The following TMED3 variants were observed in gnomAD, a reference collection of about 807,000 sequenced individuals.
The protein encoded by TMED3 is transmembrane p24 trafficking protein 3, also known as transmembrane emp24 domain-containing protein 3.
TMED3 carries 9 observed loss-of-function variants against 15.0 expected under a neutral mutation model. That is an observed-to-expected ratio of 0.60 (90% CI 0.36 to 1.04). The LOEUF (loss-of-function observed/expected upper bound fraction) is 1.04. Ranked by LOEUF, TMED3 falls within the 50% of genes least tolerant of loss-of-function variation. The probability of loss-of-function intolerance (pLI) is 0.01; values close to 1 mark genes in which losing one functional copy is unlikely to be tolerated. For missense variants in TMED3, 267 were observed against 278.9 expected (o/e 0.96, Z 0.30); for synonymous variants, 117 against 121.4 (o/e 0.96, Z 0.24).
chr15:79,399,850 G>C (rs1322900858), intron 2 of TMED3, among the ~76,000 whole-genome samples: 1 of 152,194 alleles, frequency 6.6e-6, no homozygotes, highest in Admixed American at 6.5e-5. Flanking sequence ...GTGGATCTAA[G>C]CCAGCTAGAC....
At chr15:79,368,179 T>C (rs926998845) in intron 2 of TMED3, among the ~76,000 whole-genome samples, 5 of 152,200 alleles carry the variant, frequency 3.3e-5, no homozygotes. Context: ...CCTTCTTGCT[T>C]ATCAAGTTCC....
At chr15:79,388,167 A>C (rs1255689243) in intron 2 of TMED3, among the ~76,000 whole-genome samples, 3 of 152,070 alleles carry the variant, frequency 2.0e-5, no homozygotes, top group Non-Finnish European at 1.5e-5. Flanking sequence ...TCTTTTTCCC[A>C]ATCTCAGAAG....
At chr15:79,362,303 A>T (rs1291805229) in intron 2 of TMED3, among the ~76,000 whole-genome samples, 1 of 18,508 alleles carries the variant, frequency 5.4e-5, no homozygotes, top group Non-Finnish European at 2.0e-4. Flanking sequence ...TTGCCTCTAT[A>T]AAAAAAAAAA....
At chr15:79,371,475 A>G (rs1893337889) in intron 2 of TMED3, among the ~76,000 whole-genome samples, 1 of 152,166 alleles carries the variant, frequency 6.6e-6, no homozygotes, top group Non-Finnish European at 1.5e-5. Flanking sequence ...TGCAGCAAAG[A>G]AAGAGTTTAA....
chr15:79,403,220 C>CAAAAAAA (rs71150908), intron 2 of TMED3, among the ~76,000 whole-genome samples: 2 of 65,422 alleles, frequency 3.1e-5, no homozygotes, highest in African/African-American at 1.5e-4. Context: ...GACTCTGTCT[C>CAAAAAAA]AAAAAAAAAA....
chr15:79,313,568 G>C (rs528437759), intron 1 of TMED3, among the ~76,000 whole-genome samples, 189 bp from the exon 2 acceptor site: 2 of 152,340 alleles, frequency 1.3e-5, no homozygotes, highest in Admixed American at 1.3e-4. Context: ...CTTTCAAGCA[G>C]TGTGACCACA....
chr15:79,359,011 A>C (rs756863503), intron 2 of TMED3, among the ~76,000 whole-genome samples: 40 of 152,202 alleles, frequency 2.6e-4, no homozygotes, highest in South Asian at 2.1e-4. Flanking sequence ...TGGCTGGAAC[A>C]AGAGAGAGTG....
intron 2 of TMED3, among the ~76,000 whole-genome samples, chr15:79,350,977 G>T (rs1441964482): frequency 6.6e-6 from 1 of 152,162 alleles, no homozygotes; most frequent in Non-Finnish European, 1.5e-5. Context: ...TATGGGTTAT[G>T]GTCTCTTTTG....
chr15:79,368,185 G>A (rs1305034182), intron 2 of TMED3, among the ~76,000 whole-genome samples: 1 of 152,130 alleles, frequency 6.6e-6, no homozygotes, highest in Non-Finnish European at 1.5e-5. Context: ...TGCTTATCAA[G>A]TTCCTTATTT....
At chr15:79,394,620 T>C (rs1026413353) in intron 2 of TMED3, among the ~76,000 whole-genome samples, 1 of 152,232 alleles carries the variant, frequency 6.6e-6, no homozygotes, top group Non-Finnish European at 1.5e-5. Flanking sequence ...GATTCAGCCT[T>C]CTCTGGGCTC....
downstream of TMED3, among the ~76,000 whole-genome samples, chr15:79,323,087 T>G (rs1161348289): frequency 6.6e-6 from 1 of 152,232 alleles, no homozygotes; most frequent in East Asian, 1.9e-4. Flanking sequence ...TTTCCTCTGA[T>G]AATACCTTCT....
exon 3 of TMED3, chr15:79,411,586 A>C: frequency 1.5e-6 from 1 of 687,202 alleles, no homozygotes; most frequent in South Asian, 1.5e-5. Context: ...GCTGCTGCAC[A>C]GAGCTACCAT....
intron 2 of TMED3, among the ~76,000 whole-genome samples, chr15:79,356,761 C>A (rs1262479004): frequency 6.6e-6 from 1 of 152,148 alleles, no homozygotes; most frequent in Non-Finnish European, 1.5e-5. Flanking sequence ...AGGAATTTAT[C>A]CCACACATCT....
In TMED3 at chr15:79,411,359, AT is replaced by A. The variant is rs1006780917; in HGVS notation, c.418-38del. The A allele has an allele frequency of 1.0e-5, 7 of 701,002 alleles. No homozygotes were observed. In the Admixed American group the frequency reaches 1.0e-4, roughly 10 times the overall value. The allele number at this position is 701,002 out of a possible 1,614,324, so 43.4% of individuals were successfully genotyped here. On this transcript the variant is annotated intron_variant, in intron 2 of 2. Coordinates refer to the TMED3 transcript ENST00000424155. ...TATCCTGGGCAGTTCATGGTTCCAC[AT>A]TTCATCCTTTAAATCTTTTTATCTT...
At chr15:79,353,203 A>AATTTTGTGTCTT (rs1567030461) in intron 2 of TMED3, among the ~76,000 whole-genome samples, 1 of 68,512 alleles carries the variant, frequency 1.5e-5, no homozygotes, top group Non-Finnish European at 2.6e-5. Context: ...AATATATAAA[A>AATTTTGTGTCTT]TATATATTAT....
exon 3 of TMED3, chr15:79,412,597 A>G (rs563961446): frequency 6.6e-6 from 1 of 152,616 alleles, no homozygotes; most frequent in East Asian, 1.9e-4. Flanking sequence ...CGAAGTTGCC[A>G]TTGGGCGTGA....
intron 2 of TMED3, among the ~76,000 whole-genome samples, chr15:79,353,006 A>ATATATTATATAAAATATATATATTTTATG (rs2141235246): frequency 8.9e-6 from 1 of 111,958 alleles, no homozygotes; most frequent in Admixed American, 1.3e-4. Context: ...TATATAAAAT[A>ATATATTATATAAAATATATATATTTTATG]TATATTATAT....
At position 79,331,533 on chromosome 15, in the gene TMED3, CAAAAGAAGCA is replaced by C. The variant is rs1362584397; in HGVS notation, c.417+17533_417+17542del. 4.1e-3 allele frequency among the ~76,000 whole-genome samples: 289 copies of C among 69,718 alleles called. 2 individuals carry two copies. Among genetic ancestry groups the C allele is most frequent in the African/African-American group, 0.016 (267 of 16,644 alleles). 45.7% of individuals were successfully genotyped at this position (69,718 alleles called of 152,430 possible). A position where few individuals can be genotyped will look rare whatever the true frequency, so the allele number is the denominator to read the frequency against. On this transcript the variant is annotated intron_variant, in intron 2 of 2. Transcript: ENST00000424155. ...ATAAATAAGACCTCAAAAGAACAGG[CAAAAGAAGCA>C]AAAAAAAAAAAAAAAAAAGGATAAT...
chr15:79,361,124 A>C (rs1893121020), intron 2 of TMED3, among the ~76,000 whole-genome samples: 1 of 152,200 alleles, frequency 6.6e-6, no homozygotes, highest in Non-Finnish European at 1.5e-5. Context: ...TGGCCTCCCA[A>C]AGTACTGGGA....
Sources: gnomAD v4.1 joint callset for allele counts (sites outside exome capture counted in the v4.1 genomes callset) on GRCh38, gnomAD v4.1.1 for gene constraint, MANE v1.5 for transcripts, NCBI Gene and HGNC (gene_info 2026-07-23, HGNC 2026-07-21) for gene names.